The following TENM3 variants were observed in gnomAD, a reference collection of about 807,000 sequenced individuals.
TENM3 encodes the protein teneurin transmembrane protein 3, also known as teneurin-3.
In TENM3, 63 loss-of-function variants were observed where a neutral mutation model predicts 255.1. The observed-to-expected ratio is 0.25, with a 90% confidence interval of 0.20 to 0.30. TENM3 has a LOEUF of 0.30. Among genes scored for constraint, TENM3 ranks in the 10% least tolerant of loss-of-function variants. TENM3 has a pLI of 1.00. For missense variants in TENM3, 2,929 were observed against 3,461.1 expected (o/e 0.85, Z 3.86); for synonymous variants, 1,306 against 1,322.3 (o/e 0.99, Z 0.27).
the TENM3 span, among the ~76,000 whole-genome samples, chr4:181,966,424 T>C: frequency 6.6e-6 from 1 of 152,162 alleles, no homozygotes; most frequent in African/African-American, 2.4e-5. Flanking sequence ...TTTTCTCTAT[T>C]AGATTATCTC....
At chr4:182,390,949 G>A (rs1022230032) in intron 3 of TENM3, among the ~76,000 whole-genome samples, 1 of 152,114 alleles carries the variant, frequency 6.6e-6, no homozygotes, top group African/African-American at 2.4e-5. Flanking sequence ...CAACACAATC[G>A]TGCACATGGG....
chr4:181,641,552 GTGTATATATATATATATA>G, the TENM3 span, among the ~76,000 whole-genome samples: 422 of 21,690 alleles, frequency 0.019, 24 homozygotes, highest in African/African-American at 0.063. Flanking sequence ...CATGGTGTGT[GTGTATATATATATATATA>G]TATATATATA....
chr4:182,377,797 G>C (rs1227063845), intron 3 of TENM3, among the ~76,000 whole-genome samples: 1 of 152,192 alleles, frequency 6.6e-6, no homozygotes, highest in Non-Finnish European at 1.5e-5. Flanking sequence ...AAGAGAGCCT[G>C]GTGATGCTAG....
At chr4:182,703,351 T>G (rs1037692863) in intron 12 of TENM3, among the ~76,000 whole-genome samples, 1 of 152,162 alleles carries the variant, frequency 6.6e-6, no homozygotes, top group African/African-American at 2.4e-5. Flanking sequence ...TTGAGGAAAA[T>G]CAGTTTATAC....
the TENM3 span, among the ~76,000 whole-genome samples, chr4:181,847,880 G>C: frequency 4.6e-5 from 7 of 151,980 alleles, no homozygotes; most frequent in African/African-American, 7.2e-5. Context: ...AAGTCAAAAA[G>C]TTGTATTCCA....
intron 3 of TENM3, among the ~76,000 whole-genome samples, chr4:182,364,509 C>T (rs759107042): frequency 3.9e-5 from 6 of 152,086 alleles, no homozygotes; most frequent in African/African-American, 7.2e-5. Context: ...CTCCGTCTTC[C>T]GGGTTCACGC....
At chr4:182,712,095 T>C (rs1272869969) in intron 12 of TENM3, among the ~76,000 whole-genome samples, 1 of 152,224 alleles carries the variant, frequency 6.6e-6, no homozygotes, top group Non-Finnish European at 1.5e-5. Flanking sequence ...TTTCAAAATA[T>C]ATGTGGTATC....
chr4:182,243,961 T>C (rs1258529763), intron 1 of TENM3, among the ~76,000 whole-genome samples: 4 of 141,210 alleles, frequency 2.8e-5, no homozygotes, highest in East Asian at 4.0e-4. Flanking sequence ...TTTTTTTTTT[T>C]TTTTTTTTTT....
intron 1 of TENM3, among the ~76,000 whole-genome samples, chr4:182,258,060 G>A (rs1266789691): frequency 6.6e-6 from 1 of 151,924 alleles, no homozygotes; most frequent in Non-Finnish European, 1.5e-5. Context: ...GTGTATGTGT[G>A]TATATATGTA....
chr4:182,503,494 A>G (rs943834210), intron 3 of TENM3, among the ~76,000 whole-genome samples: 6 of 152,242 alleles, frequency 3.9e-5, no homozygotes, highest in Admixed American at 2.6e-4. Context: ...TACTACATAT[A>G]TACTCATTTT....
chr4:182,737,484 G>A (rs1761255865), intron 17 of TENM3, among the ~76,000 whole-genome samples: 1 of 152,068 alleles, frequency 6.6e-6, no homozygotes, highest in Non-Finnish European at 1.5e-5. Flanking sequence ...GCATACTGAT[G>A]TTTAACAGGA....
the TENM3 span, among the ~76,000 whole-genome samples, chr4:181,458,288 A>T: frequency 6.6e-6 from 1 of 151,940 alleles, no homozygotes; most frequent in Admixed American, 6.6e-5. Flanking sequence ...CGGAGAAAAA[A>T]ACTGATCTTT....
intron 3 of TENM3, among the ~76,000 whole-genome samples, chr4:182,524,351 GCTT>G (rs74559307): frequency 3.9e-4 from 47 of 119,592 alleles, no homozygotes; most frequent in African/African-American, 1.4e-3. Flanking sequence ...ACACTGATGA[GCTT>G]TTTTTTTTTT....
At chr4:181,704,423 G>C in the TENM3 span, among the ~76,000 whole-genome samples, 2 of 152,300 alleles carry the variant, frequency 1.3e-5, no homozygotes, top group African/African-American at 4.8e-5. Context: ...AAAGGGAAAA[G>C]TTGCAGCTTC....
At chr4:182,706,012 A>G (rs985785586) in intron 12 of TENM3, among the ~76,000 whole-genome samples, 5 of 152,198 alleles carry the variant, frequency 3.3e-5, no homozygotes, top group Admixed American at 2.0e-4. Context: ...TTTTAAATTC[A>G]TTCGGGTTTT....
At chr4:182,591,191 T>G (rs1439687572) in intron 3 of TENM3, among the ~76,000 whole-genome samples, 1 of 152,090 alleles carries the variant, frequency 6.6e-6, no homozygotes, top group Admixed American at 6.5e-5. Flanking sequence ...GGCAGTTAGG[T>G]AATCTAGGTT....
the TENM3 span, among the ~76,000 whole-genome samples, chr4:181,574,537 CAA>C: frequency 2.1e-4 from 17 of 81,898 alleles, no homozygotes; most frequent in Admixed American, 2.9e-4. Context: ...GACTCCGTCT[CAA>C]AAAAAAAAAA....
chr4:182,161,800 TATACAC>T (rs367853507), intron 1 of TENM3, among the ~76,000 whole-genome samples: 1 of 53,984 alleles, frequency 1.9e-5, no homozygotes, highest in Non-Finnish European at 3.2e-5. Context: ...TATGTATATA[TATACAC>T]ATATATATGT....
At chr4:181,997,024 C>T in the TENM3 span, among the ~76,000 whole-genome samples, 1 of 152,120 alleles carries the variant, frequency 6.6e-6, no homozygotes, top group African/African-American at 2.4e-5. Flanking sequence ...CAATTTTAAC[C>T]CTTGCAATAG....
Sources: gnomAD v4.1 joint callset for allele counts (sites outside exome capture counted in the v4.1 genomes callset) on GRCh38, gnomAD v4.1.1 for gene constraint, MANE v1.5 for transcripts, NCBI Gene and HGNC (gene_info 2026-07-23, HGNC 2026-07-21) for gene names.